The following ABCC2 variants were observed in gnomAD, a reference collection of about 807,000 sequenced individuals.
ABCC2 encodes ATP binding cassette subfamily C member 2.
ABCC2 carries 157 observed loss-of-function variants against 173.4 expected under a neutral mutation model. The observed-to-expected ratio is 0.91, with a 90% CI of 0.80 to 1.03. ABCC2 has a LOEUF of 1.03. Among genes scored for constraint, ABCC2 ranks in the 50% least tolerant of loss-of-function variants. The pLI is 0.00. For missense variants in ABCC2, 1,822 were observed against 1,852.3 expected (o/e 0.98, Z 0.30); for synonymous variants, 657 against 693.5 (o/e 0.95, Z 0.83).
At chr10:99,787,546 A>G (rs555597947) in intron 2 of ABCC2, among the ~76,000 whole-genome samples, 1 of 152,258 alleles carries the variant, frequency 6.6e-6, no homozygotes, top group African/African-American at 2.4e-5. Flanking sequence ...TCCTTGCACC[A>G]TTGTCAGCAT....
At position 99,795,934 on chromosome 10, in the gene ABCC2, G is replaced by C. The variant is rs550221144; in HGVS notation, c.633-1163G>C. On this transcript the variant is annotated intron_variant, in intron 6 of 31. Coordinates refer to ENST00000647814, the MANE Select transcript of ABCC2 (RefSeq NM_000392.5). ...GCAGGAAGATCACTTGAGCCCAGAA[G>C]TTTGAGGCTGCAGTCAGCTATGGCT... Among the ~76,000 whole-genome samples, 124 of 152,366 alleles carry C rather than the reference G, an allele frequency of 8.1e-4. 1 individual carries two copies. The highest frequency in any genetic ancestry group is 2.8e-3 in the African/African-American group (117 of 41,592).
At chr10:99,825,774 G>T (rs560463103) in intron 19 of ABCC2, among the ~76,000 whole-genome samples, 440 of 152,268 alleles carry the variant, frequency 2.9e-3, no homozygotes, top group African/African-American at 9.6e-3. Context: ...TTTTGTGGGG[G>T]CTCCCCTGGA....
chr10:99,796,570 G>C (rs150776323), intron 6 of ABCC2, among the ~76,000 whole-genome samples: 229 of 152,230 alleles, frequency 1.5e-3, no homozygotes, highest in African/African-American at 5.3e-3. Flanking sequence ...TGTAATCCCA[G>C]CTACTTGGGA....
chr10:99,819,273 T>C lies in ABCC2; in HGVS notation c.2620+4T>C. 2 of 1,612,856 alleles carry C rather than the reference T, an allele frequency of 1.2e-6. No individual in the cohort carries two copies. The highest frequency in any genetic ancestry group is 1.7e-6 in the Non-Finnish European group (2 of 1,179,800). ...GGCCCTGAAGAGGAAGCCACAGGTA[T>C]GTAAGAAGGATTGGGACAAGATAGA... On this transcript the variant is annotated splice_donor_region_variant and intron_variant, in intron 19 of 31. Transcript: ENST00000647814.
intron 2 of ABCC2, among the ~76,000 whole-genome samples, chr10:99,785,426 AC>A (rs2037690472): frequency 6.6e-6 from 1 of 152,084 alleles, no homozygotes; most frequent in South Asian, 2.1e-4. Flanking sequence ...TCTTGTGGGA[AC>A]CCAAGACCCT....
chr10:99,790,088 A>T (rs905605121), intron 2 of ABCC2, among the ~76,000 whole-genome samples: 4 of 152,202 alleles, frequency 2.6e-5, no homozygotes, highest in African/African-American at 9.7e-5. Flanking sequence ...ATACTTGTGT[A>T]TACAAGTGTG....
rs1443387807 is a variant in ABCC2 at position 99,784,707 on chromosome 10, C to T, written c.133C>T (p.Pro45Ser). ...CTTGGGCTACCTATGGCTCCTGGCC[C>T]CCTGGCAGCTTCTCCACGTGTATAA... ...IPLGYLWLLA[P>S]WQLLHVYKSR... is the part of the protein sequence containing the mutation. Residue 45 changes from proline to serine, a missense_variant, in exon 2 of 32, where the codon CCC becomes TCC. Pro to Ser is a moderately conservative substitution (Grantham distance 74). Coordinates refer to ENST00000647814, the MANE Select transcript of ABCC2 (RefSeq NM_000392.5). 2.5e-6 allele frequency: 4 copies of T among 1,614,152 alleles called. No individual in the cohort carries two copies. Among genetic ancestry groups the T allele is most frequent in the Admixed American group, 1.7e-5 (1 of 60,022 alleles).
intron 3 of ABCC2, 93 bp downstream of exon 3, chr10:99,792,452 G>A: frequency 1.3e-6 from 2 of 1,566,238 alleles, no homozygotes; most frequent in South Asian, 1.1e-5. Flanking sequence ...TTAATTCCAA[G>A]GTCATCTGTC....
chr10:99,814,249 GTA>G (rs1564684047), intron 16 of ABCC2, among the ~76,000 whole-genome samples: 21 of 56,376 alleles, frequency 3.7e-4, no homozygotes, highest in Admixed American at 8.1e-4. Flanking sequence ...ATGCACACAC[GTA>G]TGTATACACA....
chr10:99,831,759 A>G lies in ABCC2; in HGVS notation c.3032A>G (p.Asn1011Ser). ...TGGACCAGTGACTCTAAAATCTTCA[A>G]TAGCACCGACTATCCAGCATCTCAG... is the stretch of plus-strand genomic sequence containing the variant. ...SAWTSDSKIFNSTDYPASQRD... is the reference protein window; with the variant it reads ...SAWTSDSKIFSSTDYPASQRD... The change falls in exon 22 of 32, where the codon AAT (asparagine) becomes AGT (serine). Residue 1011 changes from asparagine to serine, a missense_variant. Transcript: ENST00000647814. 6.2e-7 allele frequency: 1 copy of G among 1,614,212 alleles called. No homozygotes were observed. The highest frequency in any genetic ancestry group is 8.5e-7 in the Non-Finnish European group (1 of 1,180,034).
chr10:99,848,581 T>C (rs1204450082), intron 30 of ABCC2, among the ~76,000 whole-genome samples: 1 of 152,230 alleles, frequency 6.6e-6, no homozygotes, highest in Non-Finnish European at 1.5e-5. Context: ...GCTTGTTACA[T>C]GTGCAGAATC....
Position 99,814,488 on chromosome 10 carries a change from CACAA to C in ABCC2, c.2094+1348_2094+1351del, listed in dbSNP as rs1402879836. On this transcript the variant is annotated intron_variant, in intron 16 of 31. Transcript: ENST00000647814. ...ACACATATGTGTGTATATACATACACACAAACATATATGTGTGTGTATGTGTATA... is the reference window on the plus strand; with the variant it reads ...ACACATATGTGTGTATATACATACACACATATATGTGTGTGTATGTGTATA... Among the ~76,000 whole-genome samples, 5 of 129,922 alleles carry C rather than the reference CACAA, an allele frequency of 3.8e-5. 1 individual carries two copies. Among genetic ancestry groups the C allele is most frequent in the African/African-American group, 8.6e-5 (3 of 35,012 alleles). The allele number at this position is 129,922 out of a possible 152,430, so 85.2% of individuals were successfully genotyped here.
Position 99,800,451 on chromosome 10 carries a change from T to C in ABCC2, c.1097T>C (p.Leu366Pro), listed in dbSNP as rs2133003353. The change falls in exon 9 of 32, where the codon CTC (leucine) becomes CCC (proline). Residue 366 changes from leucine (L) to proline (P), a missense_variant. Physicochemically the swap from Leu to Pro is moderately conservative, Grantham distance 98. Transcript: ENST00000647814. ...TGGATTGGATATCTCTGTGCAATCC[T>C]CTTATTCACTGCGGCTCTCATTCAG... ...YLWIGYLCAI[L>P]LFTAALIQSF... The C allele has an allele frequency of 6.2e-7, 1 of 1,614,216 alleles. No homozygotes were observed. The highest frequency in any genetic ancestry group is 1.3e-5 in the African/African-American group (1 of 75,064).
At chr10:99,813,969 G>A (rs148576104) in intron 16 of ABCC2, among the ~76,000 whole-genome samples, 57 of 151,882 alleles carry the variant, frequency 3.8e-4, no homozygotes, top group Middle Eastern at 3.4e-3. Context: ...TTACTCTTGG[G>A]CCTTTCTCTT....
intron 19 of ABCC2, among the ~76,000 whole-genome samples, chr10:99,821,803 C>T (rs2133088378): frequency 6.6e-6 from 1 of 151,924 alleles, no homozygotes; most frequent in East Asian, 1.9e-4. Flanking sequence ...CCACATTTCC[C>T]CCTTTTCTTT....
At chr10:99,828,483 C>A (rs768462940) in intron 19 of ABCC2, among the ~76,000 whole-genome samples, 3 of 152,192 alleles carry the variant, frequency 2.0e-5, no homozygotes, top group Non-Finnish European at 4.4e-5. Context: ...AAGGTGTCAG[C>A]AGGATTAGTT....
At chr10:99,785,844 T>C (rs1285875777) in intron 2 of ABCC2, among the ~76,000 whole-genome samples, 1 of 151,790 alleles carries the variant, frequency 6.6e-6, no homozygotes, top group African/African-American at 2.4e-5. Context: ...TTTCAACAGG[T>C]TTTTAGAAAG....
chr10:99,836,338 A>G (rs768316570), intron 25 of ABCC2, 48 bp downstream of exon 25: 6 of 1,591,628 alleles, frequency 3.8e-6, no homozygotes, highest in South Asian at 1.1e-5. Flanking sequence ...TTGGGGTTCT[A>G]TATGTTTGAT....
chr10:99,808,135 T>C lies in ABCC2; in HGVS notation c.1721T>C (p.Leu574Ser). 2 of 1,614,142 alleles carry C rather than the reference T, an allele frequency of 1.2e-6. No individual in the cohort carries two copies. The change falls in exon 13 of 32, where the codon TTG becomes TCG. Residue 574 changes from leucine (L) to serine (S), a missense_variant. Transcript: ENST00000647814. ...VYVLVDSNNI[L>S]DAQKAFTSIT... Reference sequence around the variant, plus strand: ...GTCCTGGTGGATAGCAACAATATTTTGGATGCACAAAAGGCCTTCACCTCC... The same window carrying C: ...GTCCTGGTGGATAGCAACAATATTTCGGATGCACAAAAGGCCTTCACCTCC...
Sources: gnomAD v4.1 joint callset for allele counts (sites outside exome capture counted in the v4.1 genomes callset) on GRCh38, gnomAD v4.1.1 for gene constraint, MANE v1.5 for transcripts, NCBI Gene and HGNC (gene_info 2026-07-23, HGNC 2026-07-21) for gene names.